B3GLCT: variants seen among roughly 807,000 people sequenced by gnomAD.
B3GLCT encodes beta-1,3-glucosyltransferase.
Under a neutral mutation model 63.4 loss-of-function variants are expected in B3GLCT, and 65 were observed. That is an observed-to-expected ratio of 1.03 (90% CI 0.84 to 1.26). B3GLCT has a LOEUF of 1.26. Among genes scored for constraint, B3GLCT ranks in the 50% most tolerant of loss-of-function variants. B3GLCT has a pLI of 0.00. For synonymous variants in B3GLCT, 233 were observed against 219.2 expected, an observed-to-expected ratio of 1.06 and a Z score of -0.55; for missense variants, 577 against 604.8, an observed-to-expected ratio of 0.95 and a Z score of 0.48.
chr13:31,326,107 C>T (rs1483589045), intron 14 of B3GLCT, among the ~76,000 whole-genome samples: 1 of 151,988 alleles, frequency 6.6e-6, no homozygotes, highest in Non-Finnish European at 1.5e-5. Context: ...TTTAGACCAC[C>T]GTTATGGTGG....
At chr13:31,285,861 G>A (rs1250078331) in intron 11 of B3GLCT, among the ~76,000 whole-genome samples, 1 of 152,054 alleles carries the variant, frequency 6.6e-6, no homozygotes, top group African/African-American at 2.4e-5. Context: ...CTTATTTGAT[G>A]TCTTCATTAC....
At position 31,247,968 on chromosome 13, in the gene B3GLCT, T is replaced by C; in HGVS notation, c.459+2T>C. Reference sequence around the variant, plus strand: ...CTCAGAAGATATGACCCCTCTAAGGTGAATATAACTTCAATACCAGTTCTT... The same window carrying C: ...CTCAGAAGATATGACCCCTCTAAGGCGAATATAACTTCAATACCAGTTCTT... On this transcript the variant is annotated splice_donor_variant, in intron 6 of 14. Coordinates refer to ENST00000343307, the MANE Select transcript of B3GLCT (RefSeq NM_194318.4). LOFTEE classifies it high-confidence loss of function. 2 of 1,469,744 alleles carry C rather than the reference T, an allele frequency of 1.4e-6. No individual in the cohort carries two copies. The highest frequency in any genetic ancestry group is 1.9e-6 in the Non-Finnish European group (2 of 1,048,912). 91.0% of individuals were successfully genotyped at this position (1,469,744 alleles called of 1,614,324 possible). A position where few individuals can be genotyped will look rare whatever the true frequency, so the allele number is the denominator to read the frequency against.
Position 31,321,990 on chromosome 13 carries a change from C to A in B3GLCT, c.1185-1761C>A, listed in dbSNP as rs190580632. Among the ~76,000 whole-genome samples the A allele has an allele frequency of 3.8e-3, 585 of 152,266 alleles. 2 individuals are homozygous for A. The highest frequency in any genetic ancestry group is 6.2e-3 in the Non-Finnish European group (421 of 68,012). On this transcript the variant is annotated intron_variant, in intron 13 of 14. Transcript: ENST00000343307. ...GTGTGTAGTCTTTTATCCCTCATCC[C>A]CACCCCTCTTCCGAGTTCCCAAAGT...
intron 12 of B3GLCT, among the ~76,000 whole-genome samples, chr13:31,291,767 A>G (rs1298638054): frequency 6.6e-6 from 1 of 152,196 alleles, no homozygotes; most frequent in Non-Finnish European, 1.5e-5. Context: ...GCAAACAGAG[A>G]CAATCTGACT....
chr13:31,214,028 TG>T (rs1869429460), intron 1 of B3GLCT, among the ~76,000 whole-genome samples: 1 of 150,322 alleles, frequency 6.7e-6, no homozygotes, highest in East Asian at 2.0e-4. Context: ...AATGGATGTC[TG>T]GGGGTGGGGA....
intron 6 of B3GLCT, among the ~76,000 whole-genome samples, chr13:31,250,256 C>T (rs989564742): frequency 1.3e-5 from 2 of 152,218 alleles, no homozygotes; most frequent in Non-Finnish European, 2.9e-5. Flanking sequence ...TCACTGCAAC[C>T]TCCACCTCCC....
In B3GLCT at chr13:31,234,766, T is replaced by A. The variant is rs117600035; in HGVS notation, c.270+5472T>A. Among the ~76,000 whole-genome samples, 383 of 152,108 alleles carry A rather than the reference T, an allele frequency of 2.5e-3. 1 individual carries two copies. The highest frequency in any genetic ancestry group is 4.2e-3 in the Admixed American group (64 of 15,292). On this transcript the variant is annotated intron_variant, in intron 4 of 14. Transcript: ENST00000343307. ...GAGGTGTATCTCTTTGGTATACAGG[T>A]GTTTAGCATCTCTCGTCTCTGGCAA... is the stretch of plus-strand genomic sequence containing the variant.
At chr13:31,256,584 A>G (rs986571600) in intron 6 of B3GLCT, among the ~76,000 whole-genome samples, 3 of 152,240 alleles carry the variant, frequency 2.0e-5, no homozygotes, top group Non-Finnish European at 2.9e-5. Context: ...ATGGAATACT[A>G]TGCAGCCATA....
rs1924817 is a variant in B3GLCT, at chr13:31,269,461, A to G, written c.660+184A>G. Among the ~76,000 whole-genome samples, 104,802 of 152,108 alleles carry G rather than the reference A, an allele frequency of 0.69. 37,568 individuals carry two copies. The highest frequency in any genetic ancestry group is 0.8 in the Middle Eastern group (235 of 294). On this transcript the variant is annotated intron_variant, in intron 8 of 14. Transcript: ENST00000343307. ...TTTTAAGCTCATTTCAGTTATGTAG[A>G]TGAAGACAGAACAGTGAAAAAGGTT...
At chr13:31,247,400 C>A (rs143745833) in intron 5 of B3GLCT, among the ~76,000 whole-genome samples, 2 of 152,052 alleles carry the variant, frequency 1.3e-5, no homozygotes, top group Non-Finnish European at 2.9e-5. Context: ...CTCAGCCTCC[C>A]GAGTAGCTGT....
chr13:31,322,655 T>C (rs1875387832), intron 13 of B3GLCT, among the ~76,000 whole-genome samples: 1 of 152,202 alleles, frequency 6.6e-6, no homozygotes, highest in Admixed American at 6.5e-5. Context: ...GGCAAAAGTA[T>C]AAAATAATTA....
In B3GLCT at chr13:31,275,663, A is replaced by C. The variant is rs1235837703; in HGVS notation, c.780+1035A>C. Among the ~76,000 whole-genome samples, 5 of 152,116 alleles carry C rather than the reference A, an allele frequency of 3.3e-5. No homozygotes were observed. In the East Asian group the frequency reaches 9.6e-4, roughly 29 times the overall value. On this transcript the variant is annotated intron_variant, in intron 9 of 14. Transcript: ENST00000343307. The stretch of plus-strand genomic sequence containing the variant: ...TATGAGCCTGGAGACCCTGACACTC[A>C]CAAGGTTGTTAACAGCTTTTCTCAT...
At position 31,329,785 on chromosome 13, in the gene B3GLCT, A is replaced by G; in HGVS notation, c.*117A>G. On this transcript the variant is annotated 3_prime_UTR_variant, in exon 15 of 15. Coordinates refer to ENST00000343307, the MANE Select transcript of B3GLCT (RefSeq NM_194318.4). ...GCCACATGGCATTGGGTGCTTCCTGACTTTAGGGGGAGATTTTATGTATGG... is the reference window on the plus strand; with the variant it reads ...GCCACATGGCATTGGGTGCTTCCTGGCTTTAGGGGGAGATTTTATGTATGG... The G allele has an allele frequency of 2.1e-5, 24 of 1,128,536 alleles. No individual in the cohort carries two copies. Among genetic ancestry groups the G allele is most frequent in the Middle Eastern group, 5.5e-4 (2 of 3,632 alleles). The allele number at this position is 1,128,536 out of a possible 1,614,324, so 69.9% of individuals were successfully genotyped here.
chr13:31,276,416 TG>T (rs1252263166), intron 9 of B3GLCT, among the ~76,000 whole-genome samples: 3 of 152,082 alleles, frequency 2.0e-5, no homozygotes, highest in Non-Finnish European at 4.4e-5. Context: ...AGCCTTGCAG[TG>T]GTTATTATTT....
At chr13:31,256,872 GT>G (rs1202464784) in intron 6 of B3GLCT, among the ~76,000 whole-genome samples, 4 of 150,922 alleles carry the variant, frequency 2.7e-5, no homozygotes, top group Non-Finnish European at 4.4e-5. Context: ...GTATATCTAT[GT>G]AACAAAACTG....
At chr13:31,299,723 C>G (rs966338355) in intron 12 of B3GLCT, among the ~76,000 whole-genome samples, 2 of 152,172 alleles carry the variant, frequency 1.3e-5, no homozygotes, top group South Asian at 2.1e-4. Context: ...GTGACCACCT[C>G]AAGGAAGTCC....
At chr13:31,280,597 G>A (rs1047725703) in intron 10 of B3GLCT, among the ~76,000 whole-genome samples, 1 of 152,160 alleles carries the variant, frequency 6.6e-6, no homozygotes, top group African/African-American at 2.4e-5. Context: ...AACATGTTCT[G>A]CTCAAGGCCG....
intron 12 of B3GLCT, 94 bp downstream of exon 12, chr13:31,286,913 AACGGGGACGGGGT>A: frequency 1.2e-6 from 1 of 837,612 alleles, no homozygotes; most frequent in Non-Finnish European, 2.0e-6. Flanking sequence ...AAGATGAAGT[AACGGGGACGGGGT>A]TTACCCTTCT....
intron 12 of B3GLCT, among the ~76,000 whole-genome samples, chr13:31,308,362 A>AAAAAAAAAAAAC (rs61561180): frequency 0.022 from 1,361 of 61,512 alleles, 102 homozygotes; most frequent in Middle Eastern, 0.065. Context: ...AAAAAAAAAC[A>AAAAAAAAAAAAC]AAAAAAAAAG....
Sources: gnomAD v4.1 joint callset for allele counts (sites outside exome capture counted in the v4.1 genomes callset) on GRCh38, gnomAD v4.1.1 for gene constraint, MANE v1.5 for transcripts, NCBI Gene and HGNC (gene_info 2026-07-23, HGNC 2026-07-21) for gene names.